Variants in ARHGAP26 observed in about 807,000 individuals in gnomAD.
The protein encoded by ARHGAP26 is rho GTPase-activating protein 26.
In ARHGAP26, 38 loss-of-function variants were observed where a neutral mutation model predicts 104.8. That is an observed-to-expected ratio of 0.36 (90% CI 0.28 to 0.48). The LOEUF (loss-of-function observed/expected upper bound fraction) is 0.48, where lower values mean the gene tolerates loss of function less well. Among genes scored for constraint, ARHGAP26 ranks in the 20% least tolerant of loss-of-function variants. The probability of loss-of-function intolerance (pLI) is 0.99; values close to 1 mark genes in which losing one functional copy is unlikely to be tolerated. For synonymous variants in ARHGAP26, 341 were observed against 340.0 expected, an observed-to-expected ratio of 1.00 and a Z score of -0.03; for missense variants, 704 against 947.9, an observed-to-expected ratio of 0.74 and a Z score of 3.38.
At chr5:142,964,186 A>G (rs1273430765) in intron 11 of ARHGAP26, among the ~76,000 whole-genome samples, 1 of 152,166 alleles carries the variant, frequency 6.6e-6, no homozygotes, top group African/African-American at 2.4e-5. Context: ...CCTGAAGGAT[A>G]TAACAGTTAT....
rs558323149 is a variant in ARHGAP26, at chr5:142,787,380, G to A, written c.154+16465G>A. Among the ~76,000 whole-genome samples, 21 of 152,310 alleles carry A rather than the reference G, an allele frequency of 1.4e-4. No individual in the cohort carries two copies. In the South Asian group the frequency reaches 3.7e-3, roughly 27 times the overall value. ...GTTGAACAGCTCCAGAAATAATTAC[G>A]TATTTTTAATGCCTATTAGGGACCT... On this transcript the variant is annotated intron_variant, in intron 1 of 22. Transcript: ENST00000645722.
chr5:142,890,103 T>G (rs1238620996), intron 5 of ARHGAP26, among the ~76,000 whole-genome samples: 1 of 123,162 alleles, frequency 8.1e-6, no homozygotes, highest in African/African-American at 3.1e-5. Context: ...GCCATTGTAC[T>G]CCAGCCTGGG....
intron 11 of ARHGAP26, among the ~76,000 whole-genome samples, chr5:143,013,469 G>A (rs1305882513): frequency 6.6e-6 from 1 of 152,074 alleles, no homozygotes; most frequent in Non-Finnish European, 1.5e-5. Flanking sequence ...TATTTAAGGG[G>A]TTTCTATGGA....
At chr5:143,115,521 A>G (rs946238272) in intron 17 of ARHGAP26, among the ~76,000 whole-genome samples, 4 of 151,704 alleles carry the variant, frequency 2.6e-5, no homozygotes, top group Non-Finnish European at 5.9e-5. Context: ...TCTTGCCCCA[A>G]GCAGAAGCAG....
At chr5:143,039,818 AAGT>A (rs925255396) in intron 13 of ARHGAP26, among the ~76,000 whole-genome samples, 16 of 152,308 alleles carry the variant, frequency 1.1e-4, no homozygotes, top group African/African-American at 3.6e-4. Context: ...TAAATACAAT[AAGT>A]AGGAGAAGAA....
At chr5:142,973,154 A>G (rs1011156502) in intron 11 of ARHGAP26, among the ~76,000 whole-genome samples, 1 of 152,236 alleles carries the variant, frequency 6.6e-6, no homozygotes, top group Non-Finnish European at 1.5e-5. Context: ...AACAAATGCC[A>G]GAACTACAGG....
chr5:143,090,855 C>T (rs1157368324), intron 17 of ARHGAP26, among the ~76,000 whole-genome samples: 2 of 152,134 alleles, frequency 1.3e-5, no homozygotes, highest in Admixed American at 6.5e-5. Context: ...GGGTCTTTAT[C>T]GAAATCTCCC....
intron 12 of ARHGAP26, among the ~76,000 whole-genome samples, chr5:143,017,955 G>C (rs763789486): frequency 6.6e-6 from 1 of 152,114 alleles, no homozygotes; most frequent in Non-Finnish European, 1.5e-5. Context: ...TGGTCGATCC[G>C]CAGTCCCACC....
chr5:143,192,625 C>T (rs1293297602), intron 20 of ARHGAP26: 1 of 152,110 alleles, frequency 6.6e-6, no homozygotes, highest in Non-Finnish European at 1.5e-5. Flanking sequence ...CCCCTGGGGA[C>T]TTTGAAGGCA....
At chr5:143,036,996 A>T (rs959996283) in intron 12 of ARHGAP26, among the ~76,000 whole-genome samples, 200 bp from the exon 13 acceptor site, 3 of 152,210 alleles carry the variant, frequency 2.0e-5, no homozygotes, top group Admixed American at 1.3e-4. Context: ...AGCACTTAAA[A>T]CCATACCTAG....
At chr5:142,868,468 G>A (rs928511252) in intron 1 of ARHGAP26, among the ~76,000 whole-genome samples, 1 of 152,240 alleles carries the variant, frequency 6.6e-6, no homozygotes, top group African/African-American at 2.4e-5. Flanking sequence ...GATGTGGGGA[G>A]GCCAGAGAGG....
intron 10 of ARHGAP26, among the ~76,000 whole-genome samples, chr5:142,925,401 A>G (rs994745479): frequency 1.3e-5 from 2 of 152,324 alleles, no homozygotes; most frequent in East Asian, 3.9e-4. Context: ...TTTCTTATCC[A>G]GTTTCCCTAA....
chr5:143,189,381 C>T (rs1392904463), intron 20 of ARHGAP26, among the ~76,000 whole-genome samples: 1 of 151,084 alleles, frequency 6.6e-6, no homozygotes, highest in African/African-American at 2.4e-5. Context: ...TCAGATGTCA[C>T]CCAAAAGAAG....
At chr5:142,874,083 G>A (rs1029326625) in intron 2 of ARHGAP26, among the ~76,000 whole-genome samples, 1 of 152,150 alleles carries the variant, frequency 6.6e-6, no homozygotes, top group Non-Finnish European at 1.5e-5. Context: ...GAGGAGCTCC[G>A]TATCTGGTTC....
intron 1 of ARHGAP26, among the ~76,000 whole-genome samples, chr5:142,830,486 C>T (rs1768183088): frequency 6.6e-6 from 1 of 152,160 alleles, no homozygotes; most frequent in Non-Finnish European, 1.5e-5. Context: ...TACGTTATGG[C>T]AGTCAGTCTG....
chr5:142,999,018 G>A (rs1776826096), intron 11 of ARHGAP26, among the ~76,000 whole-genome samples: 1 of 152,186 alleles, frequency 6.6e-6, no homozygotes, highest in South Asian at 2.1e-4. Flanking sequence ...TGCATAGAGA[G>A]CCCTTCAGGA....
At chr5:143,050,771 A>G (rs74459912) in intron 14 of ARHGAP26, among the ~76,000 whole-genome samples, 4,778 of 152,312 alleles carry the variant, frequency 0.031, 191 homozygotes, top group East Asian at 0.12. Context: ...TGACAGGACC[A>G]GAAGATGATA....
At chr5:143,220,683 C>A (rs1811021264) in intron 22 of ARHGAP26, among the ~76,000 whole-genome samples, 1 of 152,154 alleles carries the variant, frequency 6.6e-6, no homozygotes, top group Non-Finnish European at 1.5e-5. Flanking sequence ...TGTCATGAAC[C>A]CAAAGTATCC....
chr5:143,177,920 A>G (rs1387067567), intron 20 of ARHGAP26, among the ~76,000 whole-genome samples: 2 of 142,384 alleles, frequency 1.4e-5, no homozygotes, highest in Non-Finnish European at 3.0e-5. Context: ...TATCTCCTAC[A>G]TTTTCTAAAT....
Sources: gnomAD v4.1 joint callset for allele counts (sites outside exome capture counted in the v4.1 genomes callset) on GRCh38, gnomAD v4.1.1 for gene constraint, MANE v1.5 for transcripts, NCBI Gene and HGNC (gene_info 2026-07-23, HGNC 2026-07-21) for gene names.